Variants in SHC3 observed in about 807,000 individuals in gnomAD.
SHC3 encodes the protein SHC adaptor protein 3, also known as SHC-transforming protein 3.
A neutral mutation model predicts 60.4 loss-of-function variants in SHC3; 15 were observed. The observed-to-expected ratio is 0.25, with a 90% confidence interval of 0.17 to 0.38. SHC3 has a LOEUF of 0.38. Ranked by LOEUF, SHC3 falls within the 10% of genes least tolerant of loss-of-function variation. The pLI is 1.00. For missense variants in SHC3, 677 were observed against 786.1 expected (o/e 0.86, Z 1.66); for synonymous variants, 294 against 325.9 (o/e 0.90, Z 1.05).
At chr9:89,108,601 C>A (rs1310709434) in intron 2 of SHC3, among the ~76,000 whole-genome samples, 1 of 152,024 alleles carries the variant, frequency 6.6e-6, no homozygotes, top group Non-Finnish European at 1.5e-5. Flanking sequence ...TGACTGAAGT[C>A]TAATTTAAGA....
At chr9:89,037,320 A>G (rs73496091) in intron 11 of SHC3, 21,584 of 587,406 alleles carry the variant, frequency 0.037, 3,600 homozygotes, top group African/African-American at 0.36. Context: ...TTTTCACTGG[A>G]TAAAAGGTTT....
At chr9:89,133,880 T>C (rs911489242) in intron 1 of SHC3, among the ~76,000 whole-genome samples, 2 of 152,182 alleles carry the variant, frequency 1.3e-5, no homozygotes, top group Non-Finnish European at 2.9e-5. Context: ...CTGCATGTTA[T>C]GCACATGTAC....
chr9:89,132,782 G>A (rs961221622), intron 1 of SHC3, among the ~76,000 whole-genome samples: 17 of 152,172 alleles, frequency 1.1e-4, no homozygotes, highest in African/African-American at 3.6e-4. Flanking sequence ...ATACTTAAAT[G>A]TTAGACCTAA....
intron 1 of SHC3, among the ~76,000 whole-genome samples, chr9:89,166,987 G>A (rs766262610): frequency 8.5e-5 from 13 of 152,258 alleles, no homozygotes; most frequent in Middle Eastern, 3.4e-3. Context: ...TCCTCTTCCC[G>A]TCTCCCAGTG....
rs561430458 is a variant in SHC3 at position 89,027,376 on chromosome 9, G to A, written c.1656+10617C>T. 8.9e-5 allele frequency among the ~76,000 whole-genome samples: 13 copies of A among 145,330 alleles called. No homozygotes were observed. The South Asian group carries it at 2.7e-3, about 31-fold the overall frequency. On this transcript the variant is annotated intron_variant, in intron 11 of 11. Transcript: ENST00000375835. ...TCGCTGTCGCCCAGGCTGGAGTGCA[G>A]TGGCACGATCTCGGCTCACTGCAGG...
chr9:89,007,035 A>G lies in SHC3; in HGVS notation c.*6412T>C, dbSNP rs1487747005. 6.6e-6 allele frequency: 1 copy of G among 152,226 alleles called. No individual in the cohort carries two copies. The highest frequency in any genetic ancestry group is 1.5e-5 in the Non-Finnish European group (1 of 68,032). The allele number at this position is 152,226 out of a possible 1,614,324, so 9.4% of individuals were successfully genotyped here. A position where few individuals can be genotyped will look rare whatever the true frequency, so the allele number is the denominator to read the frequency against. On this transcript the variant is annotated 3_prime_UTR_variant, in exon 12 of 12. Coordinates refer to ENST00000375835, the MANE Select transcript of SHC3 (RefSeq NM_016848.6). Reference sequence around the variant, plus strand: ...CAACAAAATAGACACCTAAAATTGTATGAGATTTTATTCCTGGTGCTTTTT... The same window carrying G: ...CAACAAAATAGACACCTAAAATTGTGTGAGATTTTATTCCTGGTGCTTTTT...
chr9:89,033,279 TAAGTG>T, intron 11 of SHC3, among the ~76,000 whole-genome samples: 1 of 152,352 alleles, frequency 6.6e-6, no homozygotes, highest in Admixed American at 6.5e-5. Flanking sequence ...CTATACAGAC[TAAGTG>T]AACAAATTCA....
chr9:89,048,407 G>T (rs988618575), intron 7 of SHC3, among the ~76,000 whole-genome samples: 5 of 152,164 alleles, frequency 3.3e-5, no homozygotes, highest in African/African-American at 1.2e-4. Flanking sequence ...TCTTCTAAGT[G>T]AAAGAAGCCA....
intron 1 of SHC3, among the ~76,000 whole-genome samples, chr9:89,117,424 CAT>C (rs1826033734): frequency 6.6e-6 from 1 of 152,126 alleles, no homozygotes; most frequent in African/African-American, 2.4e-5. Context: ...GCTTATTGGC[CAT>C]TTGCATTTCT....
chr9:89,085,747 A>T (rs1001981093), intron 2 of SHC3, among the ~76,000 whole-genome samples: 1 of 152,188 alleles, frequency 6.6e-6, no homozygotes, highest in African/African-American at 2.4e-5. Context: ...CCACCTCCCA[A>T]AGACACACAT....
At chr9:89,171,891 T>C (rs1258164267) in intron 1 of SHC3, among the ~76,000 whole-genome samples, 1 of 152,226 alleles carries the variant, frequency 6.6e-6, no homozygotes. Flanking sequence ...GAGCAAGGCA[T>C]GTCTGAGCCC....
At chr9:89,065,407 G>T in intron 6 of SHC3, 122 bp downstream of exon 6, 1 of 1,031,032 alleles carries the variant, frequency 9.7e-7, no homozygotes, top group Non-Finnish European at 1.5e-6. Context: ...TTCATCCTTA[G>T]TAATACAAGA....
At chr9:89,029,297 G>A (rs1421801260) in intron 11 of SHC3, among the ~76,000 whole-genome samples, 1 of 151,584 alleles carries the variant, frequency 6.6e-6, no homozygotes, top group Non-Finnish European at 1.5e-5. Flanking sequence ...CAAGTTCCTA[G>A]AACAATGAAT....
chr9:89,035,851 ATG>A (rs34601277), intron 11 of SHC3, among the ~76,000 whole-genome samples: 18,086 of 128,226 alleles, frequency 0.14, 1,722 homozygotes, highest in Non-Finnish European at 0.19. Flanking sequence ...ATATATATAG[ATG>A]TGTGTGTGTG....
chr9:89,104,745 TTATC>T (rs1398675330), intron 2 of SHC3, among the ~76,000 whole-genome samples: 1 of 152,124 alleles, frequency 6.6e-6, no homozygotes, highest in East Asian at 1.9e-4. Context: ...CTTCCTCAGT[TTATC>T]TATCCTCTCA....
Position 89,178,039 on chromosome 9 carries a change from G to A in SHC3, c.422C>T (p.Ala141Val). 4 of 1,230,188 alleles carry A rather than the reference G, an allele frequency of 3.3e-6. No individual in the cohort carries two copies. The highest frequency in any genetic ancestry group is 4.1e-6 in the Non-Finnish European group (4 of 987,038). 76.2% of individuals were successfully genotyped at this position (1,230,188 alleles called of 1,614,324 possible). A position where few individuals can be genotyped will look rare whatever the true frequency, so the allele number is the denominator to read the frequency against. Residue 141 changes from alanine (A) to valine (V), a missense_variant, in exon 1 of 12, where the codon GCG (alanine) becomes GTG (valine). Coordinates refer to ENST00000375835, the MANE Select transcript of SHC3 (RefSeq NM_016848.6). This position sits in a 1 kb window ranked among gnomAD's most constrained non-coding sequence, Gnocchi z 6.9. ...DEPLPRPPRG[A>V]PHASDQVLGP... ...CAGCACCTGGTCGCTGGCGTGCGGCGCCCCCCGAGGGGGCCTGGGCAGCGG... is the reference window on the plus strand; with the variant it reads ...CAGCACCTGGTCGCTGGCGTGCGGCACCCCCCGAGGGGGCCTGGGCAGCGG...
At chr9:89,137,226 A>C (rs1394906181) in intron 1 of SHC3, among the ~76,000 whole-genome samples, 1 of 152,178 alleles carries the variant, frequency 6.6e-6, no homozygotes, top group Non-Finnish European at 1.5e-5. Flanking sequence ...TCATGGAGAT[A>C]CCATTGTTTT....
At chr9:89,166,682 C>G (rs556180401) in intron 1 of SHC3, among the ~76,000 whole-genome samples, 1 of 152,172 alleles carries the variant, frequency 6.6e-6, no homozygotes, top group African/African-American at 2.4e-5. Flanking sequence ...AGAAGCCGAT[C>G]ACTGCATGTT....
Position 89,013,105 on chromosome 9 carries a change from T to C in SHC3, c.*342A>G, listed in dbSNP as rs925393378. ...GGCATTTCCCGGTGGGATGGGTCAG[T>C]TGAATTAAATTTTTGCCTGGACAAC... is the stretch of plus-strand genomic sequence containing the variant. On this transcript the variant is annotated 3_prime_UTR_variant, in exon 12 of 12. Coordinates refer to ENST00000375835, the MANE Select transcript of SHC3 (RefSeq NM_016848.6). 1.2e-5 allele frequency: 2 copies of C among 163,606 alleles called. No homozygotes were observed. Among genetic ancestry groups the C allele is most frequent in the African/African-American group, 4.8e-5 (2 of 41,992 alleles). The allele number at this position is 163,606 out of a possible 1,614,324, so 10.1% of individuals were successfully genotyped here. A position where few individuals can be genotyped will look rare whatever the true frequency, so the allele number is the denominator to read the frequency against.
Sources: gnomAD v4.1 joint callset for allele counts (sites outside exome capture counted in the v4.1 genomes callset) on GRCh38, gnomAD v4.1.1 for gene constraint, Gnocchi (gnomAD v3.1) non-coding constraint, MANE v1.5 for transcripts, NCBI Gene and HGNC (gene_info 2026-07-23, HGNC 2026-07-21) for gene names.